Variants in VPS13B observed in about 807,000 individuals in gnomAD.
VPS13B encodes intermembrane lipid transfer protein VPS13B.
Under a neutral mutation model 426.4 loss-of-function variants are expected in VPS13B, and 285 were observed. The ratio of observed to expected loss-of-function variants is 0.67; its 90% CI spans 0.61 to 0.74. The LOEUF (loss-of-function observed/expected upper bound fraction) is 0.74. VPS13B is among the 30% of genes least tolerant of loss of function. VPS13B has a pLI of 0.00. For synonymous variants in VPS13B, 1,676 were observed against 1,676.4 expected (o/e 1.00, Z 0.01); for missense variants, 4,537 against 4,782.6 (o/e 0.95, Z 1.51).
intron 14 of VPS13B, among the ~76,000 whole-genome samples, chr8:99,153,687 C>T (rs1199339577): frequency 6.6e-6 from 1 of 151,982 alleles, no homozygotes; most frequent in African/African-American, 2.4e-5. Flanking sequence ...TACGTAATTA[C>T]TTATTACTAT....
intron 2 of VPS13B, among the ~76,000 whole-genome samples, 185 bp downstream of exon 2, chr8:99,014,120 T>C (rs1367559932): frequency 1.3e-4 from 17 of 130,862 alleles, no homozygotes; most frequent in African/African-American, 4.2e-4. Flanking sequence ...CTTTTTTTTT[T>C]TTTTTTTTTT....
chr8:99,180,701 A>G (rs1386946621), intron 16 of VPS13B, among the ~76,000 whole-genome samples: 1 of 152,190 alleles, frequency 6.6e-6, no homozygotes, highest in Non-Finnish European at 1.5e-5. Context: ...CAAGGTAGAA[A>G]TAGATATAGT....
intron 40 of VPS13B, among the ~76,000 whole-genome samples, chr8:99,770,883 T>G (rs2130640083): frequency 6.6e-6 from 1 of 152,184 alleles, no homozygotes; most frequent in East Asian, 1.9e-4. Flanking sequence ...AAGTGCACAC[T>G]CTTATTTGCA....
chr8:99,602,719 A>G (rs1827372259), intron 33 of VPS13B, among the ~76,000 whole-genome samples: 3 of 152,246 alleles, frequency 2.0e-5, no homozygotes, highest in Admixed American at 2.0e-4. Flanking sequence ...AAAAATCACA[A>G]GCATTCCTAT....
chr8:99,779,818 T>C (rs1489522459), intron 42 of VPS13B, among the ~76,000 whole-genome samples: 1 of 152,154 alleles, frequency 6.6e-6, no homozygotes, highest in African/African-American at 2.4e-5. Context: ...TTCCATCAAG[T>C]TTGTGTTGCT....
At chr8:99,284,570 C>CT (rs924689138) in intron 19 of VPS13B, among the ~76,000 whole-genome samples, 72 of 148,954 alleles carry the variant, frequency 4.8e-4, no homozygotes, top group African/African-American at 1.3e-3. Context: ...TTTTTCTTTA[C>CT]TTTTTTTTTT....
At chr8:99,045,038 TATA>T (rs1336639931) in intron 3 of VPS13B, among the ~76,000 whole-genome samples, 14 of 152,176 alleles carry the variant, frequency 9.2e-5, no homozygotes, top group African/African-American at 3.1e-4. Flanking sequence ...ATCTTTTTTG[TATA>T]ATGACTTCTT....
chr8:99,586,784 A>G (rs1216865600), intron 33 of VPS13B, among the ~76,000 whole-genome samples: 2 of 152,146 alleles, frequency 1.3e-5, no homozygotes, highest in Non-Finnish European at 2.9e-5. Flanking sequence ...ATTGAATGCT[A>G]TTCCCATTAA....
intron 17 of VPS13B, among the ~76,000 whole-genome samples, chr8:99,262,460 C>A (rs1818093708): frequency 6.6e-6 from 1 of 152,108 alleles, no homozygotes; most frequent in Non-Finnish European, 1.5e-5. Flanking sequence ...AACTAGCTTT[C>A]TTGGTACACC....
chr8:99,096,554 G>A (rs1333325747), intron 4 of VPS13B, 122 bp downstream of exon 4: 2 of 1,375,716 alleles, frequency 1.5e-6, no homozygotes, highest in African/African-American at 1.4e-5. Flanking sequence ...TCAGGAGTTT[G>A]AGACCAGCCT....
chr8:99,622,620 T>A (rs1828411212), intron 33 of VPS13B, among the ~76,000 whole-genome samples: 1 of 152,226 alleles, frequency 6.6e-6, no homozygotes, highest in Non-Finnish European at 1.5e-5. Flanking sequence ...GAGAATTAAC[T>A]GAAATTTTAT....
chr8:99,717,378 G>T lies in VPS13B; in HGVS notation c.6657+5G>T. 6.2e-7 allele frequency: 1 copy of T among 1,612,912 alleles called. No homozygotes were observed. The highest frequency in any genetic ancestry group is 8.5e-7 in the Non-Finnish European group (1 of 1,179,084). On this transcript the variant is annotated splice_donor_5th_base_variant and intron_variant, in intron 37 of 61. Transcript: ENST00000357162. ...TTAAGAGGAGGTCTACTACAGGTCT[G>T]TGGGTATTGGCCATATTTTTTTCAT...
intron 19 of VPS13B, among the ~76,000 whole-genome samples, chr8:99,383,852 T>C (rs1387114902): frequency 1.3e-5 from 2 of 152,246 alleles, no homozygotes; most frequent in Admixed American, 1.3e-4. Context: ...ACATTTTGTT[T>C]ATTCATCAAC....
At chr8:99,354,008 A>G (rs1812043835) in intron 19 of VPS13B, among the ~76,000 whole-genome samples, 1 of 152,110 alleles carries the variant, frequency 6.6e-6, no homozygotes, top group African/African-American at 2.4e-5. Context: ...ATGATTAACA[A>G]AATAACTTGT....
intron 19 of VPS13B, among the ~76,000 whole-genome samples, chr8:99,328,790 C>T (rs949497480): frequency 6.6e-6 from 1 of 152,032 alleles, no homozygotes; most frequent in African/African-American, 2.4e-5. Context: ...GAGGAGATCT[C>T]AATTTGTCCA....
intron 6 of VPS13B, among the ~76,000 whole-genome samples, chr8:99,114,580 C>T (rs1847551311): frequency 6.6e-6 from 1 of 152,214 alleles, no homozygotes; most frequent in South Asian, 2.1e-4. Flanking sequence ...CCTTAGCAGA[C>T]ATGCATACTC....
chr8:99,454,313 C>T (rs2133469945), intron 23 of VPS13B, among the ~76,000 whole-genome samples: 1 of 152,154 alleles, frequency 6.6e-6, no homozygotes, highest in East Asian at 1.9e-4. Context: ...GACTATTTGC[C>T]ACCTCACCTG....
At chr8:99,824,118 T>A in intron 51 of VPS13B, 140 bp downstream of exon 51, 1 of 1,099,588 alleles carries the variant, frequency 9.1e-7, no homozygotes, top group Non-Finnish European at 1.3e-6. Context: ...TTGTTGTAAT[T>A]AAAACCATGA....
At chr8:99,795,060 T>C (rs1299137379) in intron 43 of VPS13B, among the ~76,000 whole-genome samples, 4 of 152,196 alleles carry the variant, frequency 2.6e-5, no homozygotes, top group African/African-American at 9.6e-5. Flanking sequence ...CTGATAAAGC[T>C]AGGAACTTTC....
Sources: allele counts gnomAD v4.1 joint callset (sites outside exome capture counted in the v4.1 genomes callset), GRCh38; gene constraint gnomAD v4.1.1; transcripts MANE v1.5; gene names NCBI Gene and HGNC (gene_info 2026-07-23, HGNC 2026-07-21).